CNTN1: variants seen among roughly 807,000 people sequenced by gnomAD.
CNTN1 encodes the protein contactin 1, also known as contactin-1.
A neutral mutation model predicts 126.4 loss-of-function variants in CNTN1; 38 were observed. The observed-to-expected ratio is 0.30, with a 90% confidence interval of 0.23 to 0.39. The LOEUF is 0.39. Ranked by LOEUF, CNTN1 falls within the 10% of genes least tolerant of loss-of-function variation. The pLI is 1.00. For missense variants in CNTN1, 1,009 were observed against 1,248.4 expected, an observed-to-expected ratio of 0.81 and a Z score of 2.89; for synonymous variants, 413 against 422.6, an observed-to-expected ratio of 0.98 and a Z score of 0.28.
chr12:41,016,635 G>A (rs1180300974), intron 18 of CNTN1, 47 bp from the exon 19 acceptor site: 1 of 1,233,148 alleles, frequency 8.1e-7, no homozygotes, highest in Non-Finnish European at 1.2e-6. Flanking sequence ...TTTCCTCCCT[G>A]TTACCTGTAT....
intron 1 of CNTN1, among the ~76,000 whole-genome samples, chr12:40,832,961 C>G (rs1256923310): frequency 6.6e-6 from 1 of 152,176 alleles, no homozygotes; most frequent in African/African-American, 2.4e-5. Flanking sequence ...ACAGTTCCCC[C>G]TCTCTCCCTC....
intron 14 of CNTN1, among the ~76,000 whole-genome samples, chr12:40,952,300 TG>T (rs1275078134): frequency 1.3e-5 from 2 of 152,118 alleles, no homozygotes; most frequent in Non-Finnish European, 1.5e-5. Context: ...GTGTTACTTC[TG>T]GAACTCAGAA....
chr12:40,833,827 A>C (rs1441945266), intron 1 of CNTN1, among the ~76,000 whole-genome samples: 1 of 152,208 alleles, frequency 6.6e-6, no homozygotes, highest in Non-Finnish European at 1.5e-5. Context: ...ACTGCATGGA[A>C]ACAAGCATTT....
chr12:40,937,896 C>T (rs1339583505), intron 11 of CNTN1, among the ~76,000 whole-genome samples: 2 of 152,152 alleles, frequency 1.3e-5, no homozygotes, highest in African/African-American at 4.8e-5. Flanking sequence ...CAAAAGTCTT[C>T]TTCAGAGCAT....
chr12:40,709,099 A>G (rs1364945275), intron 1 of CNTN1, among the ~76,000 whole-genome samples: 1 of 152,220 alleles, frequency 6.6e-6, no homozygotes, highest in Non-Finnish European at 1.5e-5. Context: ...CTAAAATCTT[A>G]TGAAAGGTAT....
intron 20 of CNTN1, among the ~76,000 whole-genome samples, chr12:41,022,581 G>C (rs1948944291): frequency 6.6e-6 from 1 of 152,168 alleles, no homozygotes; most frequent in Non-Finnish European, 1.5e-5. Flanking sequence ...GGCATTCCAA[G>C]ATGGTGGTGA....
intron 16 of CNTN1, among the ~76,000 whole-genome samples, chr12:40,990,863 C>T (rs1948080431): frequency 6.6e-6 from 1 of 152,122 alleles, no homozygotes; most frequent in African/African-American, 2.4e-5. Context: ...ATCCTTAAAA[C>T]CCTTAAATTG....
At chr12:40,785,408 T>G (rs1274034749) in intron 1 of CNTN1, among the ~76,000 whole-genome samples, 1 of 152,116 alleles carries the variant, frequency 6.6e-6, no homozygotes, top group Non-Finnish European at 1.5e-5. Context: ...GGAGGTACTG[T>G]CTCACCTGTC....
At chr12:40,875,507 T>G (rs1162054650) in intron 1 of CNTN1, among the ~76,000 whole-genome samples, 1 of 152,090 alleles carries the variant, frequency 6.6e-6, no homozygotes, top group Non-Finnish European at 1.5e-5. Flanking sequence ...AAATGGAAAG[T>G]CAATTCCAAA....
At chr12:40,830,923 A>G (rs1941802198) in intron 1 of CNTN1, among the ~76,000 whole-genome samples, 1 of 40,970 alleles carries the variant, frequency 2.4e-5, no homozygotes. Flanking sequence ...AGTGGTAGTT[A>G]CATATACATA....
At chr12:41,029,457 T>C (rs1325131500) in intron 23 of CNTN1, among the ~76,000 whole-genome samples, 1 of 152,198 alleles carries the variant, frequency 6.6e-6, no homozygotes, top group Non-Finnish European at 1.5e-5. Flanking sequence ...AGTTGAAATC[T>C]TTCAGACATA....
At chr12:40,979,258 C>T (rs960438720) in intron 15 of CNTN1, 2 of 152,074 alleles carry the variant, frequency 1.3e-5, no homozygotes, top group Non-Finnish European at 2.9e-5. Flanking sequence ...GGGTATGTGT[C>T]TTGTGTTATT....
At chr12:40,938,976 G>T (rs369107143) in intron 11 of CNTN1, among the ~76,000 whole-genome samples, 2 of 151,846 alleles carry the variant, frequency 1.3e-5, no homozygotes, top group African/African-American at 4.8e-5. Context: ...GAGTTTTGCC[G>T]TGTTACCCAG....
chr12:40,969,628 TTTAA>T (rs1327520220), intron 15 of CNTN1, among the ~76,000 whole-genome samples: 2 of 152,278 alleles, frequency 1.3e-5, no homozygotes, highest in East Asian at 3.9e-4. Flanking sequence ...ACAACACTAT[TTTAA>T]TTGTTATTTG....
intron 1 of CNTN1, among the ~76,000 whole-genome samples, chr12:40,813,028 C>CTTT (rs1555162790): frequency 4.3e-3 from 147 of 33,880 alleles, no homozygotes; most frequent in Non-Finnish European, 7.9e-3. Context: ...TTCTTTCTTT[C>CTTT]TCTTTCTTTC....
chr12:40,942,563 T>C (rs1217847711), intron 12 of CNTN1, among the ~76,000 whole-genome samples: 1 of 152,142 alleles, frequency 6.6e-6, no homozygotes, highest in Non-Finnish European at 1.5e-5. Flanking sequence ...GCCTGTGGAA[T>C]GTGTGGCTTT....
intron 1 of CNTN1, among the ~76,000 whole-genome samples, chr12:40,705,621 G>A (rs1008565064): frequency 1.3e-5 from 2 of 152,014 alleles, no homozygotes; most frequent in Non-Finnish European, 2.9e-5. Flanking sequence ...ATGCTGGTGC[G>A]CTGCACCCAC....
rs149654315 is a variant in CNTN1, at chr12:40,897,679, C to G, written c.-76-10678C>G. On this transcript the variant is annotated intron_variant, in intron 1 of 23. Transcript: ENST00000551295. ...AATTCGAATAAAAAGGAACAAAGCTCTCTGTATAGCCCAAGACCGTGTTGT... is the reference window on the plus strand; with the variant it reads ...AATTCGAATAAAAAGGAACAAAGCTGTCTGTATAGCCCAAGACCGTGTTGT... 5.6e-4 allele frequency among the ~76,000 whole-genome samples: 86 copies of G among 152,226 alleles called. 1 individual carries two copies. The East Asian group carries it at 0.013, about 24-fold the overall frequency.
At chr12:41,031,726 T>G (rs1949149317) in intron 23 of CNTN1, among the ~76,000 whole-genome samples, 2 of 152,198 alleles carry the variant, frequency 1.3e-5, no homozygotes, top group Non-Finnish European at 2.9e-5. Context: ...CTTATTGATT[T>G]TAGAATTTCT....
Sources: allele counts gnomAD v4.1 joint callset (sites outside exome capture counted in the v4.1 genomes callset), GRCh38; gene constraint gnomAD v4.1.1; transcripts MANE v1.5; gene names NCBI Gene and HGNC (gene_info 2026-07-23, HGNC 2026-07-21).